The following TEX14 variants were observed in gnomAD, a reference collection of about 807,000 sequenced individuals.
The protein encoded by TEX14 is inactive serine/threonine-protein kinase TEX14.
In TEX14, 168 loss-of-function variants were observed where a neutral mutation model predicts 178.6. The ratio of observed to expected loss-of-function variants is 0.94; its 90% CI spans 0.83 to 1.07. The LOEUF (loss-of-function observed/expected upper bound fraction) is 1.07, where lower values mean the gene tolerates loss of function less well. Among genes scored for constraint, TEX14 ranks in the 50% least tolerant of loss-of-function variants. TEX14 has a pLI of 0.00. For synonymous variants in TEX14, 626 were observed against 634.1 expected, an observed-to-expected ratio of 0.99 and a Z score of 0.19; for missense variants, 1,730 against 1,753.6, an observed-to-expected ratio of 0.99 and a Z score of 0.24.
chr17:58,666,564 G>A (rs889554563), intron 1 of TEX14: 4 of 144,818 alleles, frequency 2.8e-5, no homozygotes, highest in African/African-American at 5.1e-5. Context: ...GCAATCTCCC[G>A]CTACCACAAA....
intron 1 of TEX14, among the ~76,000 whole-genome samples, chr17:58,691,298 CTAAG>C (rs997166882): frequency 5.3e-5 from 8 of 152,164 alleles, no homozygotes; most frequent in African/African-American, 1.9e-4. Context: ...TTTTTTAGAT[CTAAG>C]TATGTAGAGG....
chr17:58,649,156 G>A (rs567566076), intron 2 of TEX14, among the ~76,000 whole-genome samples: 246 of 135,444 alleles, frequency 1.8e-3, no homozygotes, highest in African/African-American at 6.5e-3. Context: ...CTCGGCTCAC[G>A]GCAACCTCCG....
intron 1 of TEX14, chr17:58,661,383 TCTC>T (rs778379647): frequency 9.1e-5 from 83 of 913,278 alleles, no homozygotes; most frequent in Middle Eastern, 2.1e-4. Flanking sequence ...GTGGAAGTAA[TCTC>T]CTCCAAATCT....
chr17:58,604,917 G>A, intron 11 of TEX14, 61 bp downstream of exon 11: 4 of 1,571,860 alleles, frequency 2.5e-6, no homozygotes, highest in Middle Eastern at 1.7e-4. Flanking sequence ...ACTCCTGTGG[G>A]GGGAGAAAAA....
At chr17:58,585,658 G>A in intron 18 of TEX14, 143 bp downstream of exon 18, 1 of 218,510 alleles carries the variant, frequency 4.6e-6, no homozygotes, top group East Asian at 1.2e-4. Flanking sequence ...GTTTCATCAT[G>A]TTGACCAGGC....
chr17:58,559,713 A>T (rs1427230909), intron 29 of TEX14, 151 bp from the exon 30 acceptor site: 1 of 594,324 alleles, frequency 1.7e-6, no homozygotes, highest in Non-Finnish European at 3.0e-6. Flanking sequence ...TGCACCAGGC[A>T]TTGGTTTAAG....
chr17:58,576,428 G>C (rs12948424), intron 21 of TEX14, among the ~76,000 whole-genome samples: 28,090 of 151,464 alleles, frequency 0.19, 2,742 homozygotes, highest in Non-Finnish European at 0.21. Flanking sequence ...AGGTTGCAGT[G>C]AGCTGAGATC....
chr17:58,577,116 G>T (rs1598352047), intron 21 of TEX14, among the ~76,000 whole-genome samples: 1 of 152,096 alleles, frequency 6.6e-6, no homozygotes, highest in East Asian at 1.9e-4. Context: ...TTCACAGATG[G>T]GAAAATAGAA....
Position 58,601,886 on chromosome 17 carries a change from T to A in TEX14, c.1598A>T (p.Asp533Val). 1 of 1,613,498 alleles carries A rather than the reference T, an allele frequency of 6.2e-7. No homozygotes were observed. Among genetic ancestry groups the A allele is most frequent in the Non-Finnish European group, 8.5e-7 (1 of 1,180,024 alleles). ...PRVQRYGLHP[D>V]VNVYLGLTSE... is the part of the protein sequence containing the mutation. ...AGTCAGTCCTAGATAGACATTGACA[T>A]CGGGATGGAGTCCGTATCTCTGCAC... The change falls in exon 13 of 32, where the codon GAT becomes GTT. Residue 533 changes from aspartate (D) to valine (V), a missense_variant. Coordinates refer to ENST00000349033, the MANE Select transcript of TEX14 (RefSeq NM_031272.5).
intron 15 of TEX14, 133 bp downstream of exon 15, chr17:58,593,421 GC>G: frequency 4.3e-6 from 3 of 690,174 alleles, no homozygotes; most frequent in Non-Finnish European, 7.5e-6. Flanking sequence ...GGGAGAACCT[GC>G]CAATCTGCAT....
At chr17:58,639,111 C>T (rs1567752182) in intron 2 of TEX14, among the ~76,000 whole-genome samples, 1 of 151,248 alleles carries the variant, frequency 6.6e-6, no homozygotes, top group Non-Finnish European at 1.5e-5. Context: ...GTGATCCACC[C>T]ACCTCGGCCT....
intron 15 of TEX14, among the ~76,000 whole-genome samples, chr17:58,593,176 G>GA (rs1361836509): frequency 6.6e-6 from 1 of 152,106 alleles, no homozygotes; most frequent in Non-Finnish European, 1.5e-5. Context: ...ACTCTCTCTG[G>GA]AGTCAGTGAC....
At chr17:58,615,650 A>T (rs1488733324) in intron 7 of TEX14, among the ~76,000 whole-genome samples, 1 of 152,092 alleles carries the variant, frequency 6.6e-6, no homozygotes, top group Non-Finnish European at 1.5e-5. Context: ...TGGTCCAGAG[A>T]ATGGGAAGCC....
intron 11 of TEX14, among the ~76,000 whole-genome samples, chr17:58,603,919 G>C (rs1396871116): frequency 6.7e-6 from 1 of 149,718 alleles, no homozygotes; most frequent in Non-Finnish European, 1.5e-5. Context: ...GTGTGTGTGT[G>C]TGTGTGTGTG....
intron 19 of TEX14, among the ~76,000 whole-genome samples, chr17:58,581,247 G>A (rs1044814432): frequency 6.6e-6 from 1 of 150,612 alleles, no homozygotes; most frequent in Non-Finnish European, 1.5e-5. Flanking sequence ...GGAGGCAGAG[G>A]ATGCGGTGAG....
intron 28 of TEX14, among the ~76,000 whole-genome samples, chr17:58,564,460 G>C (rs563826890): frequency 1.3e-5 from 2 of 152,214 alleles, no homozygotes; most frequent in Non-Finnish European, 2.9e-5. Context: ...AGTATCAACA[G>C]TAGTCAAACT....
chr17:58,605,630 T>G (rs2045589031), intron 10 of TEX14, among the ~76,000 whole-genome samples: 1 of 152,186 alleles, frequency 6.6e-6, no homozygotes, highest in South Asian at 2.1e-4. Flanking sequence ...AGGGACCTTC[T>G]TTCAGTTCCT....
intron 9 of TEX14, among the ~76,000 whole-genome samples, chr17:58,613,126 C>T (rs1016690081): frequency 1.3e-5 from 2 of 151,646 alleles, no homozygotes; most frequent in African/African-American, 2.4e-5. Context: ...CACTTGAATC[C>T]AGGAGGTAGA....
chr17:58,687,725 CTA>C (rs982593198), intron 1 of TEX14, among the ~76,000 whole-genome samples: 8 of 152,134 alleles, frequency 5.3e-5, no homozygotes, highest in Admixed American at 3.3e-4. Context: ...TATTCCTCTC[CTA>C]TGTCTCCAGA....
Sources: allele counts gnomAD v4.1 joint callset (sites outside exome capture counted in the v4.1 genomes callset), GRCh38; gene constraint gnomAD v4.1.1; transcripts MANE v1.5; gene names NCBI Gene and HGNC (gene_info 2026-07-23, HGNC 2026-07-21).